The following TBC1D1 variants were observed in gnomAD, a reference collection of about 807,000 sequenced individuals.
TBC1D1 encodes TBC1 (tre-2/USP6, BUB2, cdc16) domain family, member 1.
A neutral mutation model predicts 125.6 loss-of-function variants in TBC1D1; 89 were observed. The observed-to-expected ratio is 0.71, with a 90% CI of 0.60 to 0.85. The LOEUF is 0.85. Among genes scored for constraint, TBC1D1 ranks in the 40% least tolerant of loss-of-function variants. The pLI is 0.00. For missense variants in TBC1D1, 1,377 were observed against 1,469.2 expected, an observed-to-expected ratio of 0.94 and a Z score of 1.03; for synonymous variants, 565 against 564.1, an observed-to-expected ratio of 1.00 and a Z score of -0.02.
intron 2 of TBC1D1, among the ~76,000 whole-genome samples, chr4:38,002,875 A>G (rs1739350424): frequency 6.6e-6 from 1 of 152,226 alleles, no homozygotes; most frequent in Admixed American, 6.5e-5. Context: ...TCAAACTGAA[A>G]TGTTAAGAAA....
intron 13 of TBC1D1, among the ~76,000 whole-genome samples, chr4:38,091,774 T>C (rs1758468796): frequency 6.6e-6 from 1 of 152,232 alleles, no homozygotes; most frequent in South Asian, 2.1e-4. Flanking sequence ...CAGACTAGAA[T>C]GAAAAGGCAA....
At chr4:37,958,483 A>G (rs1729336296) in intron 2 of TBC1D1, among the ~76,000 whole-genome samples, 1 of 150,838 alleles carries the variant, frequency 6.6e-6, no homozygotes, top group Non-Finnish European at 1.5e-5. Flanking sequence ...GCCTGGGGAG[A>G]TTTCCTCTTC....
intron 13 of TBC1D1, 94 bp from the exon 16 acceptor site, chr4:38,095,835 G>A (rs755871325): frequency 3.0e-5 from 39 of 1,317,700 alleles, no homozygotes; most frequent in African/African-American, 7.3e-5. Context: ...ACTGCTTGAC[G>A]TCTCAGCGGG....
At chr4:38,029,207 G>A (rs1482293380) in intron 7 of TBC1D1, among the ~76,000 whole-genome samples, 1 of 151,992 alleles carries the variant, frequency 6.6e-6, no homozygotes, top group East Asian at 1.9e-4. Flanking sequence ...TTTGAGGGGC[G>A]GGCAGCAGGA....
intron 12 of TBC1D1, among the ~76,000 whole-genome samples, chr4:38,085,128 T>C (rs1031145750): frequency 6.6e-6 from 1 of 152,216 alleles, no homozygotes; most frequent in African/African-American, 2.4e-5. Flanking sequence ...ATAGAAAGAA[T>C]GCAACAGCAC....
Position 38,049,791 on chromosome 4 carries a change from C to T in TBC1D1, c.1803C>T (p.Pro601=). Reference sequence around the variant, plus strand: ...GAGCAAACACCCTGAGTCACTTCCCCATCGAATGCCAGGAACCTCCACAAC... The same window carrying T: ...GAGCAAACACCCTGAGTCACTTCCCTATCGAATGCCAGGAACCTCCACAAC... The change falls in exon 11 of 20, where the codon CCC becomes CCT. Residue 601 remains proline (P), a synonymous_variant. Transcript: ENST00000261439. 6.2e-7 allele frequency: 1 copy of T among 1,614,198 alleles called. No individual in the cohort carries two copies. The highest frequency in any genetic ancestry group is 8.5e-7 in the Non-Finnish European group (1 of 1,180,034).
At chr4:37,957,359 C>A (rs2152327205) in intron 2 of TBC1D1, among the ~76,000 whole-genome samples, 1 of 152,326 alleles carries the variant, frequency 6.6e-6, no homozygotes, top group African/African-American at 2.4e-5. Context: ...GTGGCTCATG[C>A]CTGTAATCCT....
At position 37,993,076 on chromosome 4, in the gene TBC1D1, T is replaced by C. The variant is rs184899779; in HGVS notation, c.418-21433T>C. On this transcript the variant is annotated intron_variant, in intron 2 of 19. Coordinates refer to ENST00000261439, the MANE Select transcript of TBC1D1 (RefSeq NM_015173.4). Reference sequence around the variant, plus strand: ...GCCTCAGCCTCCCAAAATGTTGGGATTACAGGCGTGAGCCACCGCGCCCGG... The same window carrying C: ...GCCTCAGCCTCCCAAAATGTTGGGACTACAGGCGTGAGCCACCGCGCCCGG... Among the ~76,000 whole-genome samples, 290 of 152,288 alleles carry C rather than the reference T, an allele frequency of 1.9e-3. 1 individual carries two copies. The highest frequency in any genetic ancestry group is 6.7e-3 in the African/African-American group (279 of 41,562).
At chr4:38,017,826 A>G (rs1261188244) in intron 3 of TBC1D1, among the ~76,000 whole-genome samples, 2 of 152,208 alleles carry the variant, frequency 1.3e-5, no homozygotes, top group African/African-American at 4.8e-5. Flanking sequence ...GCAACACAGC[A>G]GTCTCCTATA....
At chr4:38,071,094 C>T (rs1001832754) in intron 12 of TBC1D1, among the ~76,000 whole-genome samples, 2 of 152,190 alleles carry the variant, frequency 1.3e-5, no homozygotes, top group African/African-American at 4.8e-5. Context: ...CCTTGATTTG[C>T]AGAAATCAAG....
intron 2 of TBC1D1, among the ~76,000 whole-genome samples, chr4:37,945,426 T>C (rs1726473067): frequency 7.2e-6 from 1 of 139,700 alleles, no homozygotes; most frequent in African/African-American, 2.7e-5. Flanking sequence ...GGCAGGAGAA[T>C]CACTTGAACC....
At chr4:38,037,512 T>C (rs1019003806) in intron 8 of TBC1D1, among the ~76,000 whole-genome samples, 27 of 152,180 alleles carry the variant, frequency 1.8e-4, no homozygotes, top group African/African-American at 6.5e-4. Context: ...AGCTGCTTTA[T>C]AGACCCATTA....
chr4:37,951,956 T>C (rs1310207611), intron 2 of TBC1D1: 2 of 717,292 alleles, frequency 2.8e-6, no homozygotes, highest in Non-Finnish European at 5.2e-6. Context: ...ACCTACATAC[T>C]GACACCTATG....
chr4:38,105,413 G>A (rs545002247), intron 15 of TBC1D1, among the ~76,000 whole-genome samples: 66 of 152,328 alleles, frequency 4.3e-4, no homozygotes, highest in South Asian at 1.7e-3. Flanking sequence ...CCGCTAATCA[G>A]TGTGACTTCG....
chr4:38,074,836 G>T (rs1021770415), intron 12 of TBC1D1, among the ~76,000 whole-genome samples: 2 of 150,314 alleles, frequency 1.3e-5, no homozygotes, highest in Non-Finnish European at 3.0e-5. Context: ...ATCTTGGCTC[G>T]CTGCAACCTC....
intron 11 of TBC1D1, among the ~76,000 whole-genome samples, chr4:38,050,134 C>T (rs1011121364): frequency 1.3e-5 from 2 of 152,184 alleles, no homozygotes; most frequent in Non-Finnish European, 2.9e-5. Flanking sequence ...ACCTAACATG[C>T]ATAGTCATTA....
chr4:37,893,761 G>A (rs1036880535), intron 1 of TBC1D1, among the ~76,000 whole-genome samples: 1 of 152,212 alleles, frequency 6.6e-6, no homozygotes, highest in Non-Finnish European at 1.5e-5. Flanking sequence ...AGGAGGCGGA[G>A]GTTGCAGTGA....
chr4:38,098,799 A>T (rs1265488497), intron 14 of TBC1D1, among the ~76,000 whole-genome samples: 2 of 152,188 alleles, frequency 1.3e-5, no homozygotes, highest in Non-Finnish European at 2.9e-5. Context: ...AGACCTTGTA[A>T]GAGAGGACAG....
At chr4:38,010,658 C>T (rs1272501084) in intron 2 of TBC1D1, among the ~76,000 whole-genome samples, 2 of 152,226 alleles carry the variant, frequency 1.3e-5, no homozygotes, top group Non-Finnish European at 2.9e-5. Flanking sequence ...CCCTGGGTAC[C>T]ACGCCCCATC....
Sources: gnomAD v4.1 joint callset for allele counts (sites outside exome capture counted in the v4.1 genomes callset) on GRCh38, gnomAD v4.1.1 for gene constraint, MANE v1.5 for transcripts, NCBI Gene and HGNC (gene_info 2026-07-23, HGNC 2026-07-21) for gene names.